TG: variants seen among roughly 807,000 people sequenced by gnomAD.
The protein encoded by TG is thyroid hormones.
A neutral mutation model predicts 324.7 loss-of-function variants in TG; 270 were observed. That is an observed-to-expected ratio of 0.83 (90% CI 0.75 to 0.92). TG has a LOEUF of 0.92. Ranked by LOEUF, TG falls within the 40% of genes least tolerant of loss-of-function variation. TG has a pLI of 0.00. For synonymous variants in TG, 1,401 were observed against 1,327.0 expected (o/e 1.06, Z -1.21); for missense variants, 3,591 against 3,456.4 (o/e 1.04, Z -0.98).
chr8:133,118,168 C>G (rs1341093273), intron 45 of TG, among the ~76,000 whole-genome samples: 1 of 152,078 alleles, frequency 6.6e-6, no homozygotes, highest in South Asian at 2.1e-4. Flanking sequence ...TATTACCTGC[C>G]CTATAATTGA....
chr8:133,007,290 G>T (rs1194335483), intron 35 of TG, among the ~76,000 whole-genome samples: 5 of 152,088 alleles, frequency 3.3e-5, no homozygotes, highest in Non-Finnish European at 7.4e-5. Context: ...CACAAGAGTT[G>T]ACTTTGTAAG....
chr8:132,905,064 G>A (rs1210239324), intron 16 of TG, among the ~76,000 whole-genome samples: 1 of 152,206 alleles, frequency 6.6e-6, no homozygotes, highest in Non-Finnish European at 1.5e-5. Flanking sequence ...AACATTATAT[G>A]AACTGATATT....
At chr8:133,116,519 G>A (rs1850704642) in intron 44 of TG, 90 bp from the exon 45 acceptor site, 1 of 1,238,046 alleles carries the variant, frequency 8.1e-7, no homozygotes, top group Admixed American at 1.7e-5. Flanking sequence ...GGGGGCCCAG[G>A]GGGCCCCTTG....
At chr8:133,065,259 C>T (rs1208911269) in intron 41 of TG, among the ~76,000 whole-genome samples, 1 of 152,320 alleles carries the variant, frequency 6.6e-6, no homozygotes, top group Admixed American at 6.5e-5. Flanking sequence ...TCCTGGGTTG[C>T]TCAGAACAAC....
intron 41 of TG, among the ~76,000 whole-genome samples, chr8:133,084,836 G>A (rs750951722): frequency 7.2e-5 from 11 of 152,236 alleles, no homozygotes; most frequent in East Asian, 1.9e-4. Flanking sequence ...ATGGACTGCC[G>A]TGCCTGTCAA....
At chr8:133,009,019 G>A (rs1834264229) in intron 35 of TG, among the ~76,000 whole-genome samples, 9 of 152,204 alleles carry the variant, frequency 5.9e-5, no homozygotes, top group Admixed American at 5.9e-4. Flanking sequence ...CAGGCCAGGG[G>A]ACAGTGGCAG....
At chr8:133,019,563 T>A in intron 38 of TG, 39 bp from the exon 39 acceptor site, 1 of 1,581,726 alleles carries the variant, frequency 6.3e-7, no homozygotes, top group East Asian at 2.2e-5. Flanking sequence ...GGGGTGGTGA[T>A]GGAGCATGTC....
intron 35 of TG, among the ~76,000 whole-genome samples, chr8:132,984,168 A>T (rs1336901438): frequency 6.6e-6 from 1 of 152,228 alleles, no homozygotes; most frequent in Non-Finnish European, 1.5e-5. Flanking sequence ...AAGCGATGTT[A>T]ATTCCTGTCC....
chr8:133,095,721 T>C (rs992517087), intron 42 of TG, among the ~76,000 whole-genome samples: 1 of 152,234 alleles, frequency 6.6e-6, no homozygotes, highest in Non-Finnish European at 1.5e-5. Context: ...TTCACATTAA[T>C]GAAGGGGACA....
At chr8:133,007,398 C>CT (rs1230180357) in intron 35 of TG, among the ~76,000 whole-genome samples, 3 of 151,244 alleles carry the variant, frequency 2.0e-5, no homozygotes, top group African/African-American at 4.9e-5. Flanking sequence ...TTTTACAAGG[C>CT]TTTTTTTGTG....
intron 23 of TG, among the ~76,000 whole-genome samples, chr8:132,930,041 AT>A (rs1822471373): frequency 6.6e-6 from 1 of 152,086 alleles, no homozygotes; most frequent in Admixed American, 6.5e-5. Context: ...TATTTTTGCC[AT>A]TTTAACACTG....
chr8:133,040,648 A>C (rs1410813636), intron 41 of TG, among the ~76,000 whole-genome samples: 1 of 152,124 alleles, frequency 6.6e-6, no homozygotes, highest in East Asian at 1.9e-4. Context: ...TCTAGGAAGA[A>C]AGATAAAAGA....
rs1287321929 is a variant in TG, at chr8:133,116,609, G to C, written c.7755G>C (p.Arg2585=). Residue 2585 remains arginine, a splice_region_variant and synonymous_variant, in exon 45 of 48, where the codon CGG becomes CGC. Coordinates refer to ENST00000220616, the MANE Select transcript of TG (RefSeq NM_003235.5). ...SFSRALENAT[R]DYFIICPIID... The stretch of plus-strand genomic sequence containing the variant: ...TCCCCCCATGTTCTCTTTTCACCAG[G>C]GACTACTTTATCATCTGCCCTATAA... 6.2e-7 allele frequency: 1 copy of C among 1,613,684 alleles called. No individual in the cohort carries two copies. The highest frequency in any genetic ancestry group is 1.1e-5 in the South Asian group (1 of 91,080).
chr8:133,003,658 C>G (rs1414553994), intron 35 of TG, among the ~76,000 whole-genome samples: 1 of 152,138 alleles, frequency 6.6e-6, no homozygotes, highest in African/African-American at 2.4e-5. Flanking sequence ...AATAGAAGTG[C>G]CTCCATGTCA....
At chr8:133,075,824 C>T (rs779159375) in intron 41 of TG, among the ~76,000 whole-genome samples, 5 of 151,854 alleles carry the variant, frequency 3.3e-5, no homozygotes, top group Admixed American at 6.6e-5. Context: ...AGAAGGCAAA[C>T]GGGACAAAAT....
At chr8:133,116,508 T>C in intron 44 of TG, 101 bp from the exon 45 acceptor site, 2 of 987,080 alleles carry the variant, frequency 2.0e-6, no homozygotes, top group Non-Finnish European at 3.3e-6. Context: ...AGGGGTGGGT[T>C]GGGGGCCCAG....
chr8:133,035,948 C>G (rs555500257), intron 41 of TG, among the ~76,000 whole-genome samples: 60 of 152,276 alleles, frequency 3.9e-4, no homozygotes, highest in South Asian at 1.7e-3. Context: ...TATGCCATCC[C>G]CTACCCTCTA....
chr8:132,886,879 C>A lies in TG; in HGVS notation c.1507C>A (p.Gln503Lys). ...GTFNFSQFFQQLGLASFLNGG... is the reference protein window; with the variant it reads ...GTFNFSQFFQKLGLASFLNGG... ...ATTTAACTTCAGTCAATTTTTCCAG[C>A]AACTTGGTCTTGCAAGCTTCTTGAA... Residue 503 changes from glutamine (Q) to lysine (K), a missense_variant, in exon 9 of 48, where the codon CAA (glutamine) becomes AAA (lysine). By Grantham distance (53) the Gln-to-Lys change is moderately conservative. Coordinates refer to ENST00000220616, the MANE Select transcript of TG (RefSeq NM_003235.5). The A allele has an allele frequency of 6.2e-7, 1 of 1,614,140 alleles. No homozygotes were observed. Among genetic ancestry groups the A allele is most frequent in the Non-Finnish European group, 8.5e-7 (1 of 1,180,028 alleles).
At chr8:133,097,763 T>C (rs1190492808) in intron 43 of TG, among the ~76,000 whole-genome samples, 1 of 152,236 alleles carries the variant, frequency 6.6e-6, no homozygotes, top group African/African-American at 2.4e-5. Context: ...TTACTATTGC[T>C]GTATATATAT....
Sources: allele counts gnomAD v4.1 joint callset (sites outside exome capture counted in the v4.1 genomes callset), GRCh38; gene constraint gnomAD v4.1.1; transcripts MANE v1.5; gene names NCBI Gene and HGNC (gene_info 2026-07-23, HGNC 2026-07-21).